RADIL: variants seen among roughly 807,000 people sequenced by gnomAD.
The protein encoded by RADIL is Rap associating with DIL domain, also known as ras-associating and dilute domain-containing protein.
A neutral mutation model predicts 97.6 loss-of-function variants in RADIL; 99 were observed. The observed-to-expected ratio is 1.01, with a 90% confidence interval of 0.86 to 1.20. The LOEUF (loss-of-function observed/expected upper bound fraction) is 1.20. RADIL is among the 50% of genes most tolerant of loss of function. The probability of loss-of-function intolerance (pLI) is 0.00; values close to 1 mark genes in which losing one functional copy is unlikely to be tolerated. For missense variants in RADIL, 1,765 were observed against 1,498.9 expected (o/e 1.18, Z -2.93); for synonymous variants, 803 against 691.8 (o/e 1.16, Z -2.52).
chr7:4,862,348 C>T (rs892232452), intron 2 of RADIL, among the ~76,000 whole-genome samples: 1 of 152,180 alleles, frequency 6.6e-6, no homozygotes, highest in Non-Finnish European at 1.5e-5. Flanking sequence ...GGTGGGAACC[C>T]GCGGTGGAAA....
chr7:4,804,467 G>A (rs1488705321), intron 10 of RADIL, among the ~76,000 whole-genome samples: 1 of 152,188 alleles, frequency 6.6e-6, no homozygotes, highest in African/African-American at 2.4e-5. Context: ...CAGATGAAGG[G>A]AGATGTGTGT....
intron 11 of RADIL, among the ~76,000 whole-genome samples, chr7:4,802,777 G>A (rs1410881962): frequency 9.4e-6 from 1 of 106,760 alleles, no homozygotes; most frequent in Non-Finnish European, 1.9e-5. Context: ...GCTGGCTGGG[G>A]GGCCCCCTCC....
chr7:4,820,695 C>G (rs1036054690), intron 6 of RADIL, among the ~76,000 whole-genome samples: 2 of 152,182 alleles, frequency 1.3e-5, no homozygotes, highest in Admixed American at 1.3e-4. Flanking sequence ...CTCTGCCTCC[C>G]CCAGGAGCGG....
intron 2 of RADIL, among the ~76,000 whole-genome samples, chr7:4,846,218 C>T (rs1336073648): frequency 2.0e-5 from 3 of 151,608 alleles, no homozygotes; most frequent in African/African-American, 7.3e-5. Flanking sequence ...CAACCTCCGA[C>T]TCACTGCAAC....
At chr7:4,808,627 C>T (rs1252473359) in intron 9 of RADIL, 10 of 985,260 alleles carry the variant, frequency 1.0e-5, no homozygotes, top group African/African-American at 1.7e-5. Context: ...GCCCCGCGGC[C>T]CTGGTCTCTC....
In RADIL at chr7:4,835,268, C is replaced by G. The variant is rs755166384; in HGVS notation, c.784-29G>C. On this transcript the variant is annotated intron_variant, in intron 3 of 14. Transcript: ENST00000399583. The surrounding 1 kb of genome is among the most constrained non-coding windows in gnomAD (Gnocchi z 5.8). ...AAACAGAGACTCCGCTCAGGGCAGG[C>G]GTAACGCGAGCAGCACACGGGAAAA... 1 of 1,600,354 alleles carries G rather than the reference C, an allele frequency of 6.2e-7. No individual in the cohort carries two copies.
chr7:4,832,827 G>A (rs1055516233), intron 4 of RADIL, among the ~76,000 whole-genome samples: 8 of 152,112 alleles, frequency 5.3e-5, no homozygotes, highest in African/African-American at 1.9e-4. Flanking sequence ...GGCTGAGTGC[G>A]CGTAGACTAA....
At chr7:4,812,269 C>T (rs551229242) in intron 9 of RADIL, among the ~76,000 whole-genome samples, 39 of 152,092 alleles carry the variant, frequency 2.6e-4, no homozygotes, top group Non-Finnish European at 4.7e-4. Context: ...CTTATTTGTC[C>T]ATTTCATCTA....
chr7:4,857,869 G>GA (rs1583312373), intron 2 of RADIL: 1 of 152,444 alleles, frequency 6.6e-6, no homozygotes, highest in African/African-American at 2.4e-5. Context: ...TACATCACAT[G>GA]AAAAAATGGT....
rs758586957 is a variant in RADIL, at chr7:4,834,593, C to A, written c.1416+14G>T. ...CCGGCACAGGACCCAGACCGCCCAC[C>A]CCAGCACACTGACCCAGACAGTCTC... On this transcript the variant is annotated intron_variant, in intron 4 of 14. Transcript: ENST00000399583. The surrounding 1 kb of genome is among the most constrained non-coding windows in gnomAD (Gnocchi z 6.0). 8 of 1,323,132 alleles carry A rather than the reference C, an allele frequency of 6.0e-6. No homozygotes were observed. Among genetic ancestry groups the A allele is most frequent in the Non-Finnish European group, 7.8e-6 (8 of 1,030,052 alleles). The allele number at this position is 1,323,132 out of a possible 1,614,324, so 82.0% of individuals were successfully genotyped here. A position where few individuals can be genotyped will look rare whatever the true frequency, so the allele number is the denominator to read the frequency against.
chr7:4,800,675 G>A (rs1438638366), intron 12 of RADIL, among the ~76,000 whole-genome samples: 2 of 152,254 alleles, frequency 1.3e-5, no homozygotes, highest in East Asian at 3.9e-4. Flanking sequence ...GTGGCCATGT[G>A]CACCCTGAGG....
intron 2 of RADIL, among the ~76,000 whole-genome samples, chr7:4,850,650 G>A (rs1013009122): frequency 6.6e-6 from 1 of 152,174 alleles, no homozygotes; most frequent in Non-Finnish European, 1.5e-5. Flanking sequence ...CCACGGCTGT[G>A]AGCCAGAGAG....
rs957368678 is a variant in RADIL, at chr7:4,797,985, T to A, written c.*1393A>T. ...CGAGACTCCGTCTCATAAAAAAAAA[T>A]TAAATATTTATATTTTATATAATAA... is the stretch of plus-strand genomic sequence containing the variant. On this transcript the variant is annotated 3_prime_UTR_variant, in exon 15 of 15. Coordinates refer to ENST00000399583, the MANE Select transcript of RADIL (RefSeq NM_018059.5). The A allele has an allele frequency of 1.3e-5, 2 of 149,280 alleles. No homozygotes were observed. The highest frequency in any genetic ancestry group is 6.7e-5 in the Admixed American group (1 of 15,026). 9.2% of individuals were successfully genotyped at this position (149,280 alleles called of 1,614,324 possible).
Position 4,879,216 on chromosome 7 carries a change from C to T in RADIL, c.-64-1013G>A, listed in dbSNP as rs117400284. ...ACAGAGATGCAGTCTCCTGGGGAAA[C>T]GGGAAAACAGCCTGGGACGCGTTGG... On this transcript the variant is annotated intron_variant, in intron 1 of 14. Coordinates refer to ENST00000399583, the MANE Select transcript of RADIL (RefSeq NM_018059.5). The surrounding 1 kb of genome is among the most constrained non-coding windows in gnomAD (Gnocchi z 4.1). Among the ~76,000 whole-genome samples, 4,164 of 152,320 alleles carry T rather than the reference C, an allele frequency of 0.027. 79 individuals are homozygous for T. The highest frequency in any genetic ancestry group is 0.047 in the Non-Finnish European group (3,176 of 68,022).
At chr7:4,853,303 G>C (rs1357327202) in intron 2 of RADIL, among the ~76,000 whole-genome samples, 1 of 152,144 alleles carries the variant, frequency 6.6e-6, no homozygotes, top group Non-Finnish European at 1.5e-5. Context: ...ATGTAAATAA[G>C]TTTTCTCATC....
intron 4 of RADIL, among the ~76,000 whole-genome samples, 195 bp from the exon 5 acceptor site, chr7:4,832,373 G>A (rs922296423): frequency 6.6e-5 from 10 of 152,212 alleles, no homozygotes; most frequent in East Asian, 1.9e-4. Flanking sequence ...TTCCATTACC[G>A]ACTATGACCT....
chr7:4,830,599 C>A (rs1241101510), intron 5 of RADIL, among the ~76,000 whole-genome samples: 1 of 152,142 alleles, frequency 6.6e-6, no homozygotes, highest in African/African-American at 2.4e-5. Flanking sequence ...CGACATCAGC[C>A]AGGCACAGTG....
rs747106572 is a variant in RADIL, at chr7:4,814,141, G to T, written c.2139+1137C>A. 6.6e-6 allele frequency among the ~76,000 whole-genome samples: 1 copy of T among 152,042 alleles called. No homozygotes were observed. Among genetic ancestry groups the T allele is most frequent in the Non-Finnish European group, 1.5e-5 (1 of 68,032 alleles). ...CATCTGCTTTCTGCCTTCCAAAATC[G>T]CATTGCTTTTGCCTCCTCTAGATTT... On this transcript the variant is annotated intron_variant, in intron 9 of 14. Transcript: ENST00000399583. This position sits in a 1 kb window ranked among gnomAD's most constrained non-coding sequence, Gnocchi z 4.5.
intron 2 of RADIL, chr7:4,861,721 C>A (rs763846073): frequency 6.5e-7 from 1 of 1,544,296 alleles, no homozygotes; most frequent in Admixed American, 2.1e-5. Flanking sequence ...CCTTGGGGAC[C>A]GCTAGACTGA....
Sources: gnomAD v4.1 joint callset for allele counts (sites outside exome capture counted in the v4.1 genomes callset) on GRCh38, gnomAD v4.1.1 for gene constraint, Gnocchi (gnomAD v3.1) non-coding constraint, MANE v1.5 for transcripts, NCBI Gene and HGNC (gene_info 2026-07-23, HGNC 2026-07-21) for gene names.